Variants in FARS2 observed in about 807,000 individuals in gnomAD.
FARS2 encodes phenylalanine--tRNA ligase, mitochondrial.
Under a neutral mutation model 46.4 loss-of-function variants are expected in FARS2, and 40 were observed. The observed-to-expected ratio is 0.86, with a 90% CI of 0.67 to 1.12. FARS2 has a LOEUF of 1.12. Among genes scored for constraint, FARS2 ranks in the 50% most tolerant of loss-of-function variants. The probability of loss-of-function intolerance (pLI) is 0.00; values close to 1 mark genes in which losing one functional copy is unlikely to be tolerated. For missense variants in FARS2, 513 were observed against 567.9 expected (o/e 0.90, Z 0.98); for synonymous variants, 234 against 214.9 (o/e 1.09, Z -0.78).
chr6:5,755,152 T>C (rs1013702741), intron 6 of FARS2, among the ~76,000 whole-genome samples: 1 of 152,244 alleles, frequency 6.6e-6, no homozygotes, highest in Admixed American at 6.5e-5. Context: ...GTCATTTAAC[T>C]CTGCGACTCA....
At chr6:5,438,661 T>G (rs1040490801) in intron 4 of FARS2, among the ~76,000 whole-genome samples, 3 of 152,300 alleles carry the variant, frequency 2.0e-5, no homozygotes, top group Admixed American at 6.5e-5. Flanking sequence ...TGAATATCCA[T>G]TATCCAAAAT....
chr6:5,602,645 CAAAAAAAAAA>C (rs55712653), intron 5 of FARS2, among the ~76,000 whole-genome samples: 5 of 72,174 alleles, frequency 6.9e-5, no homozygotes, highest in Admixed American at 2.2e-4. Context: ...GACTCCGTCT[CAAAAAAAAAA>C]AAAAAAAAAA....
chr6:5,662,483 G>C (rs1777896636), intron 6 of FARS2, among the ~76,000 whole-genome samples: 1 of 152,192 alleles, frequency 6.6e-6, no homozygotes, highest in Non-Finnish European at 1.5e-5. Flanking sequence ...GCTTGCATTT[G>C]GAAGGAGCCT....
chr6:5,446,824 C>T (rs1764212169), intron 4 of FARS2, among the ~76,000 whole-genome samples: 1 of 152,166 alleles, frequency 6.6e-6, no homozygotes, highest in Non-Finnish European at 1.5e-5. Flanking sequence ...CAGCCATCAT[C>T]TCACTTAGTC....
At chr6:5,494,485 T>A (rs1037725117) in intron 4 of FARS2, among the ~76,000 whole-genome samples, 2 of 152,212 alleles carry the variant, frequency 1.3e-5, no homozygotes, top group African/African-American at 4.8e-5. Flanking sequence ...CTTATTCTTT[T>A]TGTATCTTTC....
chr6:5,632,521 G>A (rs544446096), intron 6 of FARS2, among the ~76,000 whole-genome samples: 2 of 151,904 alleles, frequency 1.3e-5, no homozygotes, highest in South Asian at 2.1e-4. Flanking sequence ...AGAGGAAGCC[G>A]CATACCCATT....
intron 4 of FARS2, among the ~76,000 whole-genome samples, chr6:5,473,243 C>A (rs1765901885): frequency 6.6e-6 from 1 of 152,120 alleles, no homozygotes; most frequent in South Asian, 2.1e-4. Flanking sequence ...TACCCTGCTC[C>A]TGGCCAGGCG....
rs1761292235 is a variant in FARS2, at chr6:5,740,949, G to C, written c.1218-30342G>C. 3.3e-5 allele frequency among the ~76,000 whole-genome samples: 5 copies of C among 152,270 alleles called. No homozygotes were observed. The South Asian group carries it at 1.0e-3, about 32-fold the overall frequency. ...TTATTGAGGCAGAATATGCATGACA[G>C]CTTACTGGATCTACTAAAGGGAAAA... On this transcript the variant is annotated intron_variant, in intron 6 of 6. Transcript: ENST00000274680.
At chr6:5,405,480 C>CTT (rs398000284) in intron 3 of FARS2, among the ~76,000 whole-genome samples, 3,598 of 58,886 alleles carry the variant, frequency 0.061, 544 homozygotes, top group African/African-American at 0.12. Flanking sequence ...GAGCAAGGTT[C>CTT]TTTTTTTTTT....
intron 6 of FARS2, among the ~76,000 whole-genome samples, chr6:5,679,944 C>G (rs989528284): frequency 1.4e-5 from 2 of 146,704 alleles, no homozygotes; most frequent in African/African-American, 5.0e-5. Context: ...GAGGGCATTA[C>G]TTTTCATAAG....
At chr6:5,685,147 G>A in intron 6 of FARS2, among the ~76,000 whole-genome samples, 1 of 151,214 alleles carries the variant, frequency 6.6e-6, no homozygotes. Context: ...CAGAATGGAA[G>A]CAAAAGGGGA....
intron 6 of FARS2, among the ~76,000 whole-genome samples, chr6:5,723,227 C>T (rs1223175596): frequency 2.6e-5 from 4 of 152,056 alleles, no homozygotes; most frequent in Non-Finnish European, 5.9e-5. Context: ...AAGTACGTGC[C>T]CCTGGGTTTG....
chr6:5,660,554 G>A (rs780665413), intron 6 of FARS2, among the ~76,000 whole-genome samples: 2 of 151,932 alleles, frequency 1.3e-5, no homozygotes. Flanking sequence ...AGGCTGAGGT[G>A]GGGGGATCCC....
intron 6 of FARS2, among the ~76,000 whole-genome samples, chr6:5,723,679 G>A (rs1760059180): frequency 6.6e-6 from 1 of 152,226 alleles, no homozygotes; most frequent in South Asian, 2.1e-4. Context: ...TGTTTTGCGT[G>A]TGAGGAAAAG....
chr6:5,539,380 T>TTGTG lies in FARS2; in HGVS notation c.905-5798_905-5795dup, dbSNP rs138161918. 9.3e-3 allele frequency among the ~76,000 whole-genome samples: 739 copies of TTGTG among 79,296 alleles called. 39 individuals carry two copies. The highest frequency in any genetic ancestry group is 0.036 in the African/African-American group (379 of 10,624). 52.0% of individuals were successfully genotyped at this position (79,296 alleles called of 152,430 possible). Reference sequence around the variant, plus strand: ...CGCCACCATGCCCACCTAATTTTTTTTGTGTATATATATATATATGTATAT... The same window carrying TTGTG: ...CGCCACCATGCCCACCTAATTTTTTTTGTGTGTGTATATATATATATATGTATAT... On this transcript the variant is annotated intron_variant, in intron 4 of 6. Coordinates refer to ENST00000274680, the MANE Select transcript of FARS2 (RefSeq NM_006567.5).
chr6:5,285,269 C>T (rs1051749844), intron 1 of FARS2, among the ~76,000 whole-genome samples: 6 of 151,880 alleles, frequency 4.0e-5, no homozygotes, highest in Non-Finnish European at 1.5e-5. Flanking sequence ...GTCCAGGAGG[C>T]GACCGAGGGG....
At chr6:5,430,953 G>A in intron 3 of FARS2, 88 bp from the exon 4 acceptor site, 1 of 1,282,116 alleles carries the variant, frequency 7.8e-7, no homozygotes, top group South Asian at 1.4e-5. Context: ...GTAGTAATTG[G>A]TGTCATTAGT....
At chr6:5,563,161 G>A (rs1463669838) in intron 5 of FARS2, among the ~76,000 whole-genome samples, 1 of 152,148 alleles carries the variant, frequency 6.6e-6, no homozygotes, top group South Asian at 2.1e-4. Flanking sequence ...GCAGAGGCTG[G>A]AGGAGGCAGT....
chr6:5,716,196 G>A (rs1011295370), intron 6 of FARS2, among the ~76,000 whole-genome samples: 1 of 152,112 alleles, frequency 6.6e-6, no homozygotes, highest in African/African-American at 2.4e-5. Context: ...GAACATAACT[G>A]CAATATTGCT....
Sources: allele counts gnomAD v4.1 joint callset (sites outside exome capture counted in the v4.1 genomes callset), GRCh38; gene constraint gnomAD v4.1.1; transcripts MANE v1.5; gene names NCBI Gene and HGNC (gene_info 2026-07-23, HGNC 2026-07-21).